Variants in GRID2 observed in about 807,000 individuals in gnomAD.
GRID2 encodes glutamate receptor ionotropic, delta-2.
Under a neutral mutation model 114.8 loss-of-function variants are expected in GRID2, and 33 were observed. The ratio of observed to expected loss-of-function variants is 0.29; its 90% CI spans 0.22 to 0.38. The LOEUF is 0.38. Ranked by LOEUF, GRID2 falls within the 10% of genes least tolerant of loss-of-function variation. GRID2 has a pLI of 1.00. For missense variants in GRID2, 1,184 were observed against 1,257.7 expected (o/e 0.94, Z 0.89); for synonymous variants, 505 against 449.9 (o/e 1.12, Z -1.55).
At chr4:92,916,478 T>C (rs1315427042) in intron 2 of GRID2, among the ~76,000 whole-genome samples, 2 of 152,112 alleles carry the variant, frequency 1.3e-5, no homozygotes, top group Admixed American at 1.3e-4. Context: ...TCATTTAACA[T>C]TAGGTATATC....
At chr4:92,384,994 A>G (rs1418337228) in intron 1 of GRID2, among the ~76,000 whole-genome samples, 1 of 151,472 alleles carries the variant, frequency 6.6e-6, no homozygotes, top group African/African-American at 2.4e-5. Flanking sequence ...ATGGTTCCCT[A>G]TGTACTGGGA....
chr4:92,388,157 G>A (rs556990463), intron 1 of GRID2, among the ~76,000 whole-genome samples: 15 of 152,096 alleles, frequency 9.9e-5, no homozygotes, highest in East Asian at 5.8e-4. Flanking sequence ...ATTTTTCTCC[G>A]AAATCATTCT....
chr4:92,423,655 T>A (rs76714387), intron 1 of GRID2, among the ~76,000 whole-genome samples: 1 of 152,124 alleles, frequency 6.6e-6, no homozygotes, highest in Non-Finnish European at 1.5e-5. Flanking sequence ...ATAACCTGAT[T>A]TATATCCTAT....
At chr4:93,504,325 A>G (rs1230920831) in intron 12 of GRID2, among the ~76,000 whole-genome samples, 1 of 151,996 alleles carries the variant, frequency 6.6e-6, no homozygotes, top group Non-Finnish European at 1.5e-5. Flanking sequence ...TAATATTTCA[A>G]TGTCAGCCTT....
At chr4:92,500,248 TA>T (rs1345611604) in intron 1 of GRID2, among the ~76,000 whole-genome samples, 1 of 152,108 alleles carries the variant, frequency 6.6e-6, no homozygotes, top group African/African-American at 2.4e-5. Context: ...TTTCACACTT[TA>T]AAAAATTTTT....
intron 6 of GRID2, among the ~76,000 whole-genome samples, chr4:93,223,448 T>C (rs1003743759): frequency 3.9e-5 from 6 of 152,190 alleles, no homozygotes; most frequent in African/African-American, 1.4e-4. Flanking sequence ...TTAAAAGCTG[T>C]GCATTGCATC....
intron 2 of GRID2, among the ~76,000 whole-genome samples, chr4:92,987,190 A>T (rs907833643): frequency 5.3e-5 from 8 of 152,196 alleles, no homozygotes; most frequent in African/African-American, 1.9e-4. Flanking sequence ...ACGAGTAAGA[A>T]ATCAGAATCT....
intron 1 of GRID2, among the ~76,000 whole-genome samples, chr4:92,374,549 G>A (rs1005572845): frequency 2.6e-5 from 4 of 152,122 alleles, no homozygotes; most frequent in African/African-American, 7.2e-5. Flanking sequence ...GTCATGGGCC[G>A]TGGTCACTAT....
chr4:93,614,051 T>C (rs1171832184), intron 13 of GRID2, among the ~76,000 whole-genome samples: 1 of 152,052 alleles, frequency 6.6e-6, no homozygotes, highest in African/African-American at 2.4e-5. Context: ...AAGCGCAATA[T>C]TCGGGTGGGA....
At chr4:92,754,499 T>C (rs1347111525) in intron 2 of GRID2, among the ~76,000 whole-genome samples, 1 of 152,140 alleles carries the variant, frequency 6.6e-6, no homozygotes, top group Non-Finnish European at 1.5e-5. Flanking sequence ...GCTTTATGCT[T>C]TAATTTCCTC....
chr4:92,667,776 A>C (rs1732861284), intron 2 of GRID2, among the ~76,000 whole-genome samples: 1 of 151,750 alleles, frequency 6.6e-6, no homozygotes, highest in Admixed American at 6.6e-5. Context: ...TTATTAAAGT[A>C]AATCTCATTC....
At chr4:93,634,309 T>G (rs1721215915) in intron 14 of GRID2, among the ~76,000 whole-genome samples, 1 of 152,014 alleles carries the variant, frequency 6.6e-6, no homozygotes, top group African/African-American at 2.4e-5. Context: ...ACATGAGAGA[T>G]TCACATAAAT....
intron 2 of GRID2, among the ~76,000 whole-genome samples, chr4:92,682,847 G>T (rs1037066000): frequency 3.3e-5 from 5 of 152,054 alleles, no homozygotes; most frequent in Non-Finnish European, 2.9e-5. Context: ...AAAACTGTCT[G>T]TATCTGGTAA....
chr4:93,064,928 T>G (rs1335227839), intron 2 of GRID2, among the ~76,000 whole-genome samples: 1 of 151,884 alleles, frequency 6.6e-6, no homozygotes, highest in Admixed American at 6.6e-5. Flanking sequence ...GTTACTTGTT[T>G]CCATTATAGA....
At chr4:93,268,205 T>A (rs1751064431) in intron 8 of GRID2, among the ~76,000 whole-genome samples, 1 of 152,178 alleles carries the variant, frequency 6.6e-6, no homozygotes, top group Non-Finnish European at 1.5e-5. Context: ...TATTTTGCTG[T>A]TTCCAATTGG....
At chr4:92,871,928 G>A (rs1224295489) in intron 2 of GRID2, among the ~76,000 whole-genome samples, 1 of 152,076 alleles carries the variant, frequency 6.6e-6, no homozygotes, top group Non-Finnish European at 1.5e-5. Flanking sequence ...GAGAGAGTAA[G>A]TCCTATTCAA....
intron 2 of GRID2, among the ~76,000 whole-genome samples, chr4:92,993,599 C>T (rs1755033774): frequency 6.6e-6 from 1 of 152,120 alleles, no homozygotes; most frequent in Admixed American, 6.6e-5. Context: ...AGTCATGATA[C>T]TGTGTTCTTT....
Position 93,159,112 on chromosome 4 carries a change from C to A in GRID2, c.735+48159C>A, listed in dbSNP as rs188344789. The stretch of plus-strand genomic sequence containing the variant: ...GTCCATGTCCCCATAAAATACTCCT[C>A]GCAAGCTGTGCTAAATTTCCTAGCA... On this transcript the variant is annotated intron_variant, in intron 4 of 15. Coordinates refer to ENST00000282020, the MANE Select transcript of GRID2 (RefSeq NM_001510.4). 2.6e-5 allele frequency among the ~76,000 whole-genome samples: 4 copies of A among 151,218 alleles called. No individual in the cohort carries two copies. The East Asian group carries it at 7.8e-4, about 30-fold the overall frequency.
intron 13 of GRID2, among the ~76,000 whole-genome samples, chr4:93,621,197 T>C (rs1454680150): frequency 6.6e-6 from 1 of 152,174 alleles, no homozygotes; most frequent in African/African-American, 2.4e-5. Context: ...CCTAGTGTTA[T>C]CTGGGAAGTG....
Sources: gnomAD v4.1 joint callset for allele counts (sites outside exome capture counted in the v4.1 genomes callset) on GRCh38, gnomAD v4.1.1 for gene constraint, MANE v1.5 for transcripts, NCBI Gene and HGNC (gene_info 2026-07-23, HGNC 2026-07-21) for gene names.